FAM110B: variants seen among roughly 807,000 people sequenced by gnomAD.
The protein encoded by FAM110B is protein FAM110B.
A neutral mutation model predicts 20.4 loss-of-function variants in FAM110B; 6 were observed. That is an observed-to-expected ratio of 0.29 (90% CI 0.16 to 0.58). The LOEUF (loss-of-function observed/expected upper bound fraction) is 0.58, where lower values mean the gene tolerates loss of function less well. Ranked by LOEUF, FAM110B falls within the 20% of genes least tolerant of loss-of-function variation. The pLI, the probability that FAM110B is intolerant of heterozygous loss-of-function variation, is 0.90. For synonymous variants in FAM110B, 226 were observed against 214.1 expected (o/e 1.06, Z -0.49); for missense variants, 434 against 498.2 (o/e 0.87, Z 1.23).
At chr8:58,096,667 C>T (rs1426842652) in intron 3 of FAM110B, among the ~76,000 whole-genome samples, 1 of 152,172 alleles carries the variant, frequency 6.6e-6, no homozygotes, top group Non-Finnish European at 1.5e-5. Flanking sequence ...TATGTTTTTG[C>T]AGTTGCTGGT....
chr8:58,117,431 A>T (rs1024043428), intron 3 of FAM110B, among the ~76,000 whole-genome samples: 3 of 152,176 alleles, frequency 2.0e-5, no homozygotes, highest in Non-Finnish European at 4.4e-5. Flanking sequence ...GGGGATGGCA[A>T]ATTTGGGGGA....
intron 2 of FAM110B, among the ~76,000 whole-genome samples, chr8:58,060,545 G>A (rs1337295395): frequency 4.6e-5 from 7 of 151,990 alleles, no homozygotes; most frequent in East Asian, 1.9e-4. Flanking sequence ...CAGTGCTTTC[G>A]TATTATTTTT....
At chr8:58,123,952 C>A (rs1430198704) in intron 3 of FAM110B, among the ~76,000 whole-genome samples, 1 of 152,156 alleles carries the variant, frequency 6.6e-6, no homozygotes, top group East Asian at 1.9e-4. Context: ...TTTTCGGATT[C>A]TTTACAAATG....
Position 58,012,539 on chromosome 8 carries a change from G to GA in FAM110B, c.-512+17741dup, listed in dbSNP as rs1344150245. On this transcript the variant is annotated intron_variant, in intron 1 of 3. Coordinates refer to ENST00000519262, the MANE Select transcript of FAM110B (RefSeq NM_001377989.1). ...TAAAAGGTTTTATTGAGTCCTAGGG[G>GA]AAAAAAAATTAAGAATGATTTCTTT... is the stretch of plus-strand genomic sequence containing the variant. Among the ~76,000 whole-genome samples the GA allele has an allele frequency of 8.6e-5, 13 of 152,008 alleles. No individual in the cohort carries two copies. The East Asian group carries it at 2.1e-3, about 25-fold the overall frequency.
At chr8:58,056,673 T>C (rs193069066) in intron 2 of FAM110B, among the ~76,000 whole-genome samples, 1 of 152,358 alleles carries the variant, frequency 6.6e-6, no homozygotes, top group Non-Finnish European at 1.5e-5. Flanking sequence ...CATGTGTGCA[T>C]GCATTTCTGT....
chr8:58,075,267 T>TGTGTGTGTGTGTGTG lies in FAM110B; in HGVS notation c.-413-268_-413-267insGTGTGTGTGTGTGTG, dbSNP rs1554521043. Among the ~76,000 whole-genome samples the TGTGTGTGTGTGTGTG allele has an allele frequency of 7.8e-3, 1,043 of 134,210 alleles. 12 individuals carry two copies. The highest frequency in any genetic ancestry group is 0.023 in the African/African-American group (628 of 27,526). The allele number at this position is 134,210 out of a possible 152,430, so 88.0% of individuals were successfully genotyped here. A position where few individuals can be genotyped will look rare whatever the true frequency, so the allele number is the denominator to read the frequency against. ...CCACACTGAACTAATTTTTGCTTTT[T>TGTGTGTGTGTGTGTG]TTTTTTTTTGTGTGTGTGTGTGTGT... On this transcript the variant is annotated intron_variant, in intron 2 of 3. Transcript: ENST00000519262.
At chr8:58,081,243 G>T (rs2150597150) in intron 3 of FAM110B, among the ~76,000 whole-genome samples, 1 of 152,296 alleles carries the variant, frequency 6.6e-6, no homozygotes. Context: ...GTCTGGCTCT[G>T]TTGCCCAGGC....
At chr8:58,086,271 A>C (rs1348377032) in intron 3 of FAM110B, among the ~76,000 whole-genome samples, 1 of 152,196 alleles carries the variant, frequency 6.6e-6, no homozygotes, top group Non-Finnish European at 1.5e-5. Context: ...TGCTAAGTAT[A>C]ATAAAGAAAA....
In FAM110B at chr8:58,119,996, G is replaced by A. The variant is rs143394361; in HGVS notation, c.-324-25911G>A. 2.6e-3 allele frequency among the ~76,000 whole-genome samples: 402 copies of A among 152,254 alleles called. 4 individuals are homozygous for A. Among genetic ancestry groups the A allele is most frequent in the African/African-American group, 9.1e-3 (377 of 41,554 alleles). ...CCCAGGGCCAAGCCAAGGTCGGTCC[G>A]ACTTCCAAATTCATACCTTCAGTCA... is the stretch of plus-strand genomic sequence containing the variant. On this transcript the variant is annotated intron_variant, in intron 3 of 3. Transcript: ENST00000519262.
chr8:58,120,319 T>G (rs1807326515), intron 3 of FAM110B, among the ~76,000 whole-genome samples: 1 of 152,054 alleles, frequency 6.6e-6, no homozygotes, highest in African/African-American at 2.4e-5. Context: ...ACTATCCACT[T>G]TTTCATCTTC....
chr8:57,997,733 A>T (rs1038539058), intron 1 of FAM110B, among the ~76,000 whole-genome samples: 1 of 152,208 alleles, frequency 6.6e-6, no homozygotes, highest in South Asian at 2.1e-4. Context: ...TATTCAGTAC[A>T]GACACCAAGG....
intron 2 of FAM110B, among the ~76,000 whole-genome samples, chr8:58,037,315 G>A (rs758744635): frequency 1.3e-5 from 2 of 151,480 alleles, no homozygotes; most frequent in Non-Finnish European, 2.9e-5. Flanking sequence ...TGGTTTGTTT[G>A]TTTGTTTGTT....
chr8:58,038,619 G>A (rs372930542), intron 2 of FAM110B, among the ~76,000 whole-genome samples: 1 of 152,016 alleles, frequency 6.6e-6, no homozygotes, highest in African/African-American at 2.4e-5. Flanking sequence ...AGGTGTAGGG[G>A]CACAGGCCTG....
intron 2 of FAM110B, among the ~76,000 whole-genome samples, chr8:58,041,001 G>A (rs1282417421): frequency 6.8e-6 from 1 of 147,684 alleles, no homozygotes; most frequent in East Asian, 2.0e-4. Flanking sequence ...GAGTGCAGTG[G>A]CGCGATCTTG....
chr8:58,085,098 C>T (rs932794091), intron 3 of FAM110B, among the ~76,000 whole-genome samples: 1 of 152,190 alleles, frequency 6.6e-6, no homozygotes, highest in Non-Finnish European at 1.5e-5. Flanking sequence ...GCTTCGTTTT[C>T]ATTTACTCTC....
intron 1 of FAM110B, among the ~76,000 whole-genome samples, chr8:58,005,985 T>C (rs1052061678): frequency 7.2e-5 from 11 of 152,326 alleles, no homozygotes; most frequent in African/African-American, 2.4e-4. Context: ...TATCATTTTT[T>C]TTTCAGAAAC....
At chr8:58,038,879 A>G (rs764725488) in intron 2 of FAM110B, among the ~76,000 whole-genome samples, 7 of 152,208 alleles carry the variant, frequency 4.6e-5, no homozygotes, top group Non-Finnish European at 8.8e-5. Context: ...GCATTCAGGA[A>G]TTTCCTAAAC....
intron 3 of FAM110B, among the ~76,000 whole-genome samples, chr8:58,115,257 C>T (rs1481781812): frequency 2.0e-5 from 3 of 151,856 alleles, no homozygotes; most frequent in Non-Finnish European, 4.4e-5. Context: ...CTAAAGAATA[C>T]TATTAATACA....
intron 2 of FAM110B, among the ~76,000 whole-genome samples, chr8:58,068,513 T>G (rs2150588988): frequency 6.6e-6 from 1 of 152,308 alleles, no homozygotes; most frequent in South Asian, 2.1e-4. Context: ...TCCTGTTTCT[T>G]GGCTACTAAT....
Sources: allele counts gnomAD v4.1 joint callset (sites outside exome capture counted in the v4.1 genomes callset), GRCh38; gene constraint gnomAD v4.1.1; transcripts MANE v1.5; gene names NCBI Gene and HGNC (gene_info 2026-07-23, HGNC 2026-07-21).